Variants in MTM1 observed in about 807,000 individuals in gnomAD.
MTM1 encodes myotubularin.
In MTM1, 9 loss-of-function variants were observed where a neutral mutation model predicts 52.1. The ratio of observed to expected loss-of-function variants is 0.17; its 90% CI spans 0.10 to 0.30. The LOEUF (loss-of-function observed/expected upper bound fraction) is 0.30, where lower values mean the gene tolerates loss of function less well. MTM1 is among the 10% of genes least tolerant of loss of function. The probability of loss-of-function intolerance (pLI) is 1.00; values close to 1 mark genes in which losing one functional copy is unlikely to be tolerated. For missense variants in MTM1, 277 were observed against 470.7 expected, an observed-to-expected ratio of 0.59 and a Z score of 3.81; for synonymous variants, 136 against 163.8, an observed-to-expected ratio of 0.83 and a Z score of 1.29.
chrX:150,581,715 T>C (rs1474530278), intron 1 of MTM1, among the ~76,000 whole-genome samples: 1 of 112,053 alleles, frequency 8.9e-6, no homozygotes, highest in Non-Finnish European at 1.9e-5. Flanking sequence ...ATGACAGATA[T>C]CTATCTGTTA....
At chrX:150,619,230 G>A (rs1370802966) in intron 6 of MTM1, 91 bp downstream of exon 6, 11 of 646,793 alleles carry the variant, frequency 1.7e-5, no homozygotes, top group Non-Finnish European at 2.6e-5. Flanking sequence ...TTCTTTTAAT[G>A]TCTGTGTTGT....
At chrX:150,639,928 C>T (rs1337939935) in intron 7 of MTM1, among the ~76,000 whole-genome samples, 1 of 112,084 alleles carries the variant, frequency 8.9e-6, no homozygotes, top group East Asian at 2.8e-4. Flanking sequence ...GATTGGTTTC[C>T]TTTTTTAGTC....
chrX:150,639,072 A>G (rs1000202607), intron 7 of MTM1, 46 bp downstream of exon 7: 3 of 973,882 alleles, frequency 3.1e-6, no homozygotes, highest in Admixed American at 2.2e-5. Context: ...AACCTGAAAC[A>G]TGCATTATGA....
chrX:150,662,950 GTAGAT>G (rs1223114175), intron 13 of MTM1, among the ~76,000 whole-genome samples: 7 of 112,120 alleles, frequency 6.2e-5, no homozygotes, highest in African/African-American at 2.3e-4. Context: ...TTGACATGAT[GTAGAT>G]TAAACATCTG....
At chrX:150,659,827 G>T in intron 12 of MTM1, 71 bp downstream of exon 12, 13 of 890,637 alleles carry the variant, frequency 1.5e-5, no homozygotes, top group Non-Finnish European at 2.1e-5. Context: ...TAATGATTGG[G>T]ATTTGACCCC....
rs2148525231 is a variant in MTM1 at position 150,671,544 on chromosome X, T to G, written c.1761T>G (p.Thr587=). The G allele has an allele frequency of 1.7e-6, 2 of 1,211,288 alleles. No individual in the cohort carries two copies. The highest frequency in any genetic ancestry group is 2.2e-6 in the Non-Finnish European group (2 of 895,446). The change falls in exon 15 of 15, where the codon ACT becomes ACG. Residue 587 remains threonine (T), a synonymous_variant. Coordinates refer to ENST00000370396, the MANE Select transcript of MTM1 (RefSeq NM_000252.3). ...ANSAKLSDPP[T]SPSSPSQMMP... ...CTGCCAAGCTTTCTGATCCCCCAACTTCACCTTCCAGTCCTTCGCAAATGA... is the reference window on the plus strand; with the variant it reads ...CTGCCAAGCTTTCTGATCCCCCAACGTCACCTTCCAGTCCTTCGCAAATGA...
At chrX:150,619,275 T>G in intron 6 of MTM1, 136 bp downstream of exon 6, 1 of 533,952 alleles carries the variant, frequency 1.9e-6, no homozygotes, top group Non-Finnish European at 3.3e-6. Flanking sequence ...GAGGTGTTTA[T>G]TAAATAATTT....
rs144434553 is a variant in MTM1 at position 150,577,184 on chromosome X, G to A, written c.-11+8522G>A. Among the ~76,000 whole-genome samples the A allele has an allele frequency of 1.1e-4, 12 of 111,932 alleles. No homozygotes were observed. The Admixed American group carries it at 1.1e-3, about 11-fold the overall frequency. ...GTTGCTGAGTAGTATTCCATAGTAT[G>A]GTTATAATGTAATTTATTCATTCAG... On this transcript the variant is annotated intron_variant, in intron 1 of 14. Coordinates refer to ENST00000370396, the MANE Select transcript of MTM1 (RefSeq NM_000252.3).
chrX:150,600,676 T>C (rs977613299), intron 4 of MTM1, among the ~76,000 whole-genome samples: 1 of 112,487 alleles, frequency 8.9e-6, no homozygotes, highest in African/African-American at 3.2e-5. Flanking sequence ...CTTTGAATAT[T>C]TGAAGTGCCT....
Position 150,649,733 on chromosome X carries a change from T to C in MTM1, c.885T>C (p.Tyr295=), listed in dbSNP as rs1017890631. 1.9e-5 allele frequency: 23 copies of C among 1,209,040 alleles called. No individual in the cohort carries two copies. The highest frequency in any genetic ancestry group is 2.6e-5 in the Non-Finnish European group (23 of 893,169). ...TTTCTTAGGCAACAGGAGGAGGATA[T>C]GAAAGTGATGATGCATATCATAACG... The part of the protein sequence containing the change: ...AVANKATGGG[Y]ESDDAYHNAE... Residue 295 remains tyrosine, a synonymous_variant, in exon 10 of 15, where the codon TAT becomes TAC. Coordinates refer to ENST00000370396, the MANE Select transcript of MTM1 (RefSeq NM_000252.3).
At chrX:150,611,788 G>A (rs950776395) in intron 4 of MTM1, among the ~76,000 whole-genome samples, 3 of 111,910 alleles carry the variant, frequency 2.7e-5, no homozygotes, top group South Asian at 3.7e-4. Context: ...GTTTAGAGTC[G>A]CGCTATCCCT....
At chrX:150,605,578 G>A (rs2039142246) in intron 4 of MTM1, among the ~76,000 whole-genome samples, 1 of 112,433 alleles carries the variant, frequency 8.9e-6, no homozygotes, top group Non-Finnish European at 1.9e-5. Flanking sequence ...TAAAGATGGA[G>A]CATACAGTGT....
intron 1 of MTM1, among the ~76,000 whole-genome samples, chrX:150,582,104 A>T (rs2038595567): frequency 9.0e-6 from 1 of 111,464 alleles, no homozygotes; most frequent in African/African-American, 3.3e-5. Context: ...CTCCTTGAAG[A>T]CATATCTCAA....
chrX:150,616,398 A>G (rs1263707877), intron 5 of MTM1, among the ~76,000 whole-genome samples: 1 of 112,091 alleles, frequency 8.9e-6, no homozygotes, highest in Non-Finnish European at 1.9e-5. Context: ...CTTCGGTGAG[A>G]TAAAAGACTC....
chrX:150,590,965 A>C, intron 1 of MTM1: 1 of 647,243 alleles, frequency 1.5e-6, no homozygotes, highest in Non-Finnish European at 1.8e-6. Context: ...GATACATCTG[A>C]CTTGCTCCAT....
At chrX:150,652,658 T>TAC (rs377592464) in intron 10 of MTM1, among the ~76,000 whole-genome samples, 19,209 of 82,161 alleles carry the variant, frequency 0.23, 2,312 homozygotes, top group East Asian at 0.43. Context: ...TATATATATA[T>TAC]ACACACACAC....
chrX:150,663,690 A>C, intron 14 of MTM1, 81 bp downstream of exon 14: 1 of 929,463 alleles, frequency 1.1e-6, no homozygotes. Context: ...ATTTTTTTTA[A>C]CAGCATGAAG....
At chrX:150,630,470 A>C (rs2039648646) in intron 6 of MTM1, among the ~76,000 whole-genome samples, 3 of 112,031 alleles carry the variant, frequency 2.7e-5, no homozygotes, top group African/African-American at 9.7e-5. Context: ...TAATAGGTGA[A>C]AATGTAGCTT....
intron 4 of MTM1, among the ~76,000 whole-genome samples, chrX:150,606,057 T>A (rs1461129529): frequency 9.1e-6 from 1 of 110,048 alleles, no homozygotes; most frequent in East Asian, 2.8e-4. Context: ...CCTTTTCAGG[T>A]CCTTCTCTCT....
Sources: gnomAD v4.1 joint callset for allele counts (sites outside exome capture counted in the v4.1 genomes callset) on GRCh38, gnomAD v4.1.1 for gene constraint, MANE v1.5 for transcripts, NCBI Gene and HGNC (gene_info 2026-07-23, HGNC 2026-07-21) for gene names.